TRPC4AP: variants seen among roughly 807,000 people sequenced by gnomAD.
The protein encoded by TRPC4AP is transient receptor potential cation channel subfamily C member 4 associated protein.
Under a neutral mutation model 99.0 loss-of-function variants are expected in TRPC4AP, and 45 were observed. The ratio of observed to expected loss-of-function variants is 0.45; its 90% CI spans 0.36 to 0.58. TRPC4AP has a LOEUF of 0.58. Ranked by LOEUF, TRPC4AP falls within the 20% of genes least tolerant of loss-of-function variation. TRPC4AP has a pLI of 0.00. For synonymous variants in TRPC4AP, 408 were observed against 385.8 expected, an observed-to-expected ratio of 1.06 and a Z score of -0.67; for missense variants, 879 against 985.3, an observed-to-expected ratio of 0.89 and a Z score of 1.44.
chr20:35,022,100 A>G (rs535497280), intron 8 of TRPC4AP, among the ~76,000 whole-genome samples: 43 of 150,872 alleles, frequency 2.9e-4, no homozygotes, highest in Middle Eastern at 6.8e-3. Flanking sequence ...TGCAGACTGA[A>G]TGGGAACGTA....
In TRPC4AP at chr20:35,003,408, A is replaced by G. The variant is rs1466025229; in HGVS notation, c.2256+2T>C. 1 of 1,613,932 alleles carries G rather than the reference A, an allele frequency of 6.2e-7. No individual in the cohort carries two copies. Among genetic ancestry groups the G allele is most frequent in the Non-Finnish European group, 8.5e-7 (1 of 1,179,980 alleles). ...TCACCCCCTTGAGGGTGGGGCACTC[A>G]CGTTCTCTAGGCAGGTGCTGTCCTT... On this transcript the variant is annotated splice_donor_variant, in intron 18 of 18. Coordinates refer to ENST00000252015, the MANE Select transcript of TRPC4AP (RefSeq NM_015638.3). LOFTEE classifies it high-confidence loss of function.
At chr20:35,089,121 A>G (rs1218404034) in intron 1 of TRPC4AP, among the ~76,000 whole-genome samples, 1 of 151,532 alleles carries the variant, frequency 6.6e-6, no homozygotes. Flanking sequence ...CGCTCACCTC[A>G]GCTTCCCAAA....
At position 35,004,539 on chromosome 20, in the gene TRPC4AP, G is replaced by A. The variant is rs544507803; in HGVS notation, c.1968C>T (p.Leu656=). ...VAEVLSECRL[L]AYISQVPTQM... ...GCGTGGGCACCTGGGATATGTAGGC[G>A]AGCAGGCGGCATTCAGACAGTACCT... The change falls in exon 17 of 19, where the codon CTC becomes CTT. Residue 656 remains leucine (L), a synonymous_variant. Coordinates refer to ENST00000252015, the MANE Select transcript of TRPC4AP (RefSeq NM_015638.3). 2.5e-5 allele frequency: 40 copies of A among 1,613,956 alleles called. No individual in the cohort carries two copies. The highest frequency in any genetic ancestry group is 3.3e-5 in the Admixed American group (2 of 59,998).
At chr20:35,058,603 T>C (rs1269794100) in intron 3 of TRPC4AP, among the ~76,000 whole-genome samples, 1 of 151,328 alleles carries the variant, frequency 6.6e-6, no homozygotes, top group Non-Finnish European at 1.5e-5. Flanking sequence ...CCAAGAAGGA[T>C]GAAAATACCA....
At chr20:35,026,224 T>TG (rs1225819508) in intron 8 of TRPC4AP, among the ~76,000 whole-genome samples, 1 of 150,448 alleles carries the variant, frequency 6.6e-6, no homozygotes, top group Non-Finnish European at 1.5e-5. Context: ...CTTAGGTTGT[T>TG]TTTTTTTTTT....
Position 35,057,497 on chromosome 20 carries a change from C to T in TRPC4AP, c.472+17G>A. On this transcript the variant is annotated intron_variant, in intron 4 of 18. Coordinates refer to ENST00000252015, the MANE Select transcript of TRPC4AP (RefSeq NM_015638.3). The stretch of plus-strand genomic sequence containing the variant: ...CAGGTTGGAAAACAAGGACCAGTAG[C>T]TAATAGGTATACTTACTTTTCAGTT... 1 of 1,604,010 alleles carries T rather than the reference C, an allele frequency of 6.2e-7. No individual in the cohort carries two copies. The highest frequency in any genetic ancestry group is 8.5e-7 in the Non-Finnish European group (1 of 1,173,610).
At chr20:35,007,898 C>A (rs2082547818) in intron 13 of TRPC4AP, among the ~76,000 whole-genome samples, 1 of 152,136 alleles carries the variant, frequency 6.6e-6, no homozygotes, top group Non-Finnish European at 1.5e-5. Context: ...CATCTGGGAT[C>A]GAAGGGCTGG....
chr20:35,057,140 C>T (rs1238724594), intron 4 of TRPC4AP, among the ~76,000 whole-genome samples: 2 of 151,820 alleles, frequency 1.3e-5, no homozygotes, highest in African/African-American at 2.4e-5. Context: ...CCTGGTAATG[C>T]CTGAACTTTT....
chr20:35,084,476 A>G (rs1245101816), intron 1 of TRPC4AP, among the ~76,000 whole-genome samples: 3 of 119,698 alleles, frequency 2.5e-5, no homozygotes, highest in East Asian at 3.1e-4. Context: ...ATATGTATAT[A>G]TGTGTATATA....
In TRPC4AP at chr20:35,084,203, T is replaced by G. The variant is rs558025872; in HGVS notation, c.169-6029A>C. 2.2e-4 allele frequency among the ~76,000 whole-genome samples: 33 copies of G among 149,814 alleles called. No individual in the cohort carries two copies. The East Asian group carries it at 6.3e-3, about 29-fold the overall frequency. ...TGTAATCCCAGCTACTCGGGGGGCA[T>G]AGGTTGCAGGGAGCCGAGATTGCGC... On this transcript the variant is annotated intron_variant, in intron 1 of 18. Coordinates refer to ENST00000252015, the MANE Select transcript of TRPC4AP (RefSeq NM_015638.3).
At chr20:35,024,845 A>C (rs1033701741) in intron 8 of TRPC4AP, among the ~76,000 whole-genome samples, 11 of 128,062 alleles carry the variant, frequency 8.6e-5, no homozygotes, top group African/African-American at 1.4e-4. Context: ...AAAAAAAAAA[A>C]AAAAAAAAAA....
At chr20:35,019,281 T>TG (rs551893272) in intron 9 of TRPC4AP, among the ~76,000 whole-genome samples, 1 of 152,170 alleles carries the variant, frequency 6.6e-6, no homozygotes, top group Non-Finnish European at 1.5e-5. Flanking sequence ...ACAGTGGTTT[T>TG]GGGGGGCCAG....
At chr20:35,055,468 A>G (rs1316681708) in intron 4 of TRPC4AP, among the ~76,000 whole-genome samples, 2 of 152,200 alleles carry the variant, frequency 1.3e-5, no homozygotes, top group African/African-American at 4.8e-5. Context: ...CTCAAGATAC[A>G]TTTTCAAAAG....
At chr20:35,083,542 G>A (rs1459317344) in intron 1 of TRPC4AP, among the ~76,000 whole-genome samples, 4 of 151,584 alleles carry the variant, frequency 2.6e-5, no homozygotes, top group African/African-American at 7.3e-5. Context: ...CCTGGGAGGC[G>A]GAGGTTGCAG....
chr20:35,016,973 A>G (rs1183902537), intron 9 of TRPC4AP, among the ~76,000 whole-genome samples: 1 of 152,256 alleles, frequency 6.6e-6, no homozygotes, highest in Non-Finnish European at 1.5e-5. Flanking sequence ...TATGACCTGC[A>G]CAGGGAAGAG....
In TRPC4AP at chr20:35,041,102, G is replaced by T. The variant is rs116516921; in HGVS notation, c.865+3403C>A. On this transcript the variant is annotated intron_variant, in intron 7 of 18. Coordinates refer to ENST00000252015, the MANE Select transcript of TRPC4AP (RefSeq NM_015638.3). ...CAGGAACCAATCCTGACAGCACCTTGATCTTGGACTTCTAGCCTCCAGAAC... is the reference window on the plus strand; with the variant it reads ...CAGGAACCAATCCTGACAGCACCTTTATCTTGGACTTCTAGCCTCCAGAAC... 4.5e-3 allele frequency among the ~76,000 whole-genome samples: 676 copies of T among 149,162 alleles called. 9 individuals carry two copies. Among genetic ancestry groups the T allele is most frequent in the African/African-American group, 0.016 (654 of 41,180 alleles).
chr20:35,005,717 A>C lies in TRPC4AP; in HGVS notation c.1914T>G (p.Phe638Leu), dbSNP rs768481709. 6.2e-6 allele frequency: 10 copies of C among 1,613,994 alleles called. No individual in the cohort carries two copies. In the South Asian group the frequency reaches 8.8e-5, roughly 14 times the overall value. The change falls in exon 16 of 19, where the codon TTT (phenylalanine) becomes TTG (leucine). Residue 638 changes from phenylalanine to leucine, a missense_variant. Physicochemically the swap from Phe to Leu is conservative, Grantham distance 22. Coordinates refer to ENST00000252015, the MANE Select transcript of TRPC4AP (RefSeq NM_015638.3). ...TACCTTTCATATCCACCTGGTTTTC[A>C]AATCGGTCCAGGGACAGAGTGACAC... is the stretch of plus-strand genomic sequence containing the variant. Reference protein sequence around the residue: ...VRCVTLSLDRFENQVDMKVAE... With the variant: ...VRCVTLSLDRLENQVDMKVAE...
intron 8 of TRPC4AP, among the ~76,000 whole-genome samples, chr20:35,025,015 G>A (rs2082994915): frequency 1.3e-5 from 2 of 151,936 alleles, no homozygotes; most frequent in South Asian, 2.1e-4. Flanking sequence ...TAGGCCCTAT[G>A]ACATAACTGT....
chr20:35,087,288 G>C (rs2084913294), intron 1 of TRPC4AP, among the ~76,000 whole-genome samples: 1 of 148,422 alleles, frequency 6.7e-6, no homozygotes, highest in South Asian at 2.1e-4. Context: ...GCAGTGAGCT[G>C]AGATTGCACC....
Sources: allele counts gnomAD v4.1 joint callset (sites outside exome capture counted in the v4.1 genomes callset), GRCh38; gene constraint gnomAD v4.1.1; transcripts MANE v1.5; gene names NCBI Gene and HGNC (gene_info 2026-07-23, HGNC 2026-07-21).